The following EPM2A variants were observed in gnomAD, a reference collection of about 807,000 sequenced individuals.
The protein encoded by EPM2A is EPM2A glucan phosphatase, laforin, also known as laforin.
In EPM2A, 21 loss-of-function variants were observed where a neutral mutation model predicts 26.5. The ratio of observed to expected loss-of-function variants is 0.79; its 90% CI spans 0.56 to 1.14. The LOEUF (loss-of-function observed/expected upper bound fraction) is 1.14. Among genes scored for constraint, EPM2A ranks in the 50% most tolerant of loss-of-function variants. The probability of loss-of-function intolerance (pLI) is 0.00; values close to 1 mark genes in which losing one functional copy is unlikely to be tolerated. For missense variants in EPM2A, 458 were observed against 440.8 expected (o/e 1.04, Z -0.35); for synonymous variants, 217 against 177.6 (o/e 1.22, Z -1.76).
intron 2 of EPM2A, among the ~76,000 whole-genome samples, chr6:145,590,891 C>T (rs1247914410): frequency 2.0e-5 from 3 of 151,964 alleles, no homozygotes; most frequent in South Asian, 2.1e-4. Flanking sequence ...AACCTAGCAT[C>T]GAAGCCAGAC....
intron 4 of EPM2A, among the ~76,000 whole-genome samples, chr6:145,430,624 A>G (rs1778909498): frequency 6.6e-6 from 1 of 152,110 alleles, no homozygotes; most frequent in Non-Finnish European, 1.5e-5. Flanking sequence ...AAGAACCATT[A>G]ATAGCATACG....
At chr6:145,659,150 T>C (rs1045906818) in intron 2 of EPM2A, among the ~76,000 whole-genome samples, 4 of 152,036 alleles carry the variant, frequency 2.6e-5, no homozygotes, top group African/African-American at 9.7e-5. Flanking sequence ...TTAATCCAAA[T>C]ATTACAATCC....
intron 2 of EPM2A, among the ~76,000 whole-genome samples, chr6:145,651,653 G>A (rs1777889886): frequency 6.6e-6 from 1 of 152,108 alleles, no homozygotes; most frequent in Non-Finnish European, 1.5e-5. Flanking sequence ...TTTACACGAG[G>A]AAAGAAAGAA....
chr6:145,716,180 T>G (rs949896834), intron 1 of EPM2A, among the ~76,000 whole-genome samples: 1 of 152,234 alleles, frequency 6.6e-6, no homozygotes, highest in Non-Finnish European at 1.5e-5. Flanking sequence ...TTGCGGAATT[T>G]TTTTCTGAAT....
intron 2 of EPM2A, among the ~76,000 whole-genome samples, chr6:145,528,069 A>C (rs441575): frequency 0.45 from 67,855 of 151,976 alleles, 15,200 homozygotes; most frequent in South Asian, 0.58. Flanking sequence ...AAGACTGTCT[A>C]TTTAATTCTA....
intron 4 of EPM2A, among the ~76,000 whole-genome samples, chr6:145,391,428 G>A (rs1425722886): frequency 1.3e-5 from 2 of 152,064 alleles, no homozygotes; most frequent in Non-Finnish European, 2.9e-5. Flanking sequence ...AATGTATAGG[G>A]CCTAATTGCA....
At chr6:145,502,428 G>T (rs1241909399) in intron 3 of EPM2A, 1 of 449,744 alleles carries the variant, frequency 2.2e-6, no homozygotes, top group Non-Finnish European at 4.5e-6. Flanking sequence ...TCCTCTGAAT[G>T]ACTGCACAGC....
chr6:145,482,688 A>C (rs987503631), intron 4 of EPM2A, among the ~76,000 whole-genome samples: 1 of 152,084 alleles, frequency 6.6e-6, no homozygotes, highest in African/African-American at 2.4e-5. Flanking sequence ...AGCTACTTGA[A>C]GCAGAAATTT....
rs142997702 is a variant in EPM2A at position 145,598,622 on chromosome 6, T to C, written c.340+36623A>G. Among the ~76,000 whole-genome samples the C allele has an allele frequency of 2.0e-5, 3 of 152,334 alleles. No homozygotes were observed. The East Asian group carries it at 5.8e-4, about 29-fold the overall frequency. On this transcript the variant is annotated intron_variant, in intron 2 of 3. Coordinates refer to the EPM2A transcript ENST00000450221. ...CTCTTAAGTTTAATTAGATCCCAGTTGTCAATTTTTTGCCTTTCTTGCAAT... is the reference window on the plus strand; with the variant it reads ...CTCTTAAGTTTAATTAGATCCCAGTCGTCAATTTTTTGCCTTTCTTGCAAT...
chr6:145,574,239 A>G (rs1467247229), intron 2 of EPM2A, among the ~76,000 whole-genome samples: 2 of 152,106 alleles, frequency 1.3e-5, no homozygotes, highest in Non-Finnish European at 2.9e-5. Context: ...TGTATAAATT[A>G]AGTAGGAATG....
chr6:145,710,663 C>T (rs1208603420), intron 1 of EPM2A, among the ~76,000 whole-genome samples: 1 of 152,106 alleles, frequency 6.6e-6, no homozygotes, highest in Non-Finnish European at 1.5e-5. Context: ...TATAAAGACA[C>T]ATGCACATGT....
intron 2 of EPM2A, among the ~76,000 whole-genome samples, chr6:145,604,709 A>T (rs1353347150): frequency 6.6e-6 from 1 of 152,180 alleles, no homozygotes; most frequent in East Asian, 1.9e-4. Context: ...TAAGTTTCAT[A>T]AATCAAATAG....
intron 2 of EPM2A, among the ~76,000 whole-genome samples, chr6:145,563,414 G>A (rs1440943959): frequency 6.6e-6 from 1 of 151,936 alleles, no homozygotes; most frequent in Admixed American, 6.6e-5. Flanking sequence ...GAATGTTTGA[G>A]GAACAGAAAG....
In EPM2A at chr6:145,542,863, A is replaced by G. The variant is rs528931946; in HGVS notation, c.341-40288T>C. ...AACCTCTGCCTCCTGGGTTCAAGTG[A>G]TTCTCTTGTCTCAGCCTCCCGCGTA... On this transcript the variant is annotated intron_variant, in intron 2 of 3. Transcript: ENST00000450221. 2.0e-5 allele frequency among the ~76,000 whole-genome samples: 3 copies of G among 152,138 alleles called. No homozygotes were observed. The South Asian group carries it at 6.2e-4, about 32-fold the overall frequency.
At chr6:145,590,924 A>C (rs930453711) in intron 2 of EPM2A, among the ~76,000 whole-genome samples, 1 of 152,220 alleles carries the variant, frequency 6.6e-6, no homozygotes, top group Non-Finnish European at 1.5e-5. Flanking sequence ...CAGATTTTGA[A>C]ATATCAAACA....
intron 4 of EPM2A, among the ~76,000 whole-genome samples, chr6:145,447,294 A>G (rs1013430375): frequency 1.3e-5 from 2 of 152,164 alleles, no homozygotes; most frequent in Middle Eastern, 3.2e-3. Context: ...TTCAATCAAT[A>G]TATTTTAAGT....
Position 145,581,682 on chromosome 6 carries a change from AG to A in EPM2A, c.340+53562del, listed in dbSNP as rs371932341. ...GAGTTGAGTTTTTATGATGTAAGAA[AG>A]GGGTCCAGTTTCATTCTGCCTACAA... On this transcript the variant is annotated intron_variant, in intron 2 of 3. Transcript: ENST00000450221. Among the ~76,000 whole-genome samples, 15 of 152,298 alleles carry A rather than the reference AG, an allele frequency of 9.8e-5. 1 individual carries two copies. The highest frequency in any genetic ancestry group is 3.6e-4 in the African/African-American group (15 of 41,588).
intron 2 of EPM2A, among the ~76,000 whole-genome samples, chr6:145,504,502 C>T (rs1428457372): frequency 2.2e-4 from 19 of 85,236 alleles, no homozygotes; most frequent in African/African-American, 8.6e-4. Context: ...AAATGCTCAT[C>T]ATCACTGGCC....
In EPM2A at chr6:145,686,371, A is replaced by G. The variant is rs146195276; in HGVS notation, c.302-75T>C. 580 of 1,167,452 alleles carry G rather than the reference A, an allele frequency of 5.0e-4. 3 individuals carry two copies. The African/African-American group carries it at 6.4e-3, about 13-fold the overall frequency. The allele number at this position is 1,167,452 out of a possible 1,614,324, so 72.3% of individuals were successfully genotyped here. A position where few individuals can be genotyped will look rare whatever the true frequency, so the allele number is the denominator to read the frequency against. ...TAAATATCCTCAAAGCAGCTGATAC[A>G]AAATTAATAGCAAGAAAAAAATAAA... On this transcript the variant is annotated intron_variant, in intron 1 of 3. Coordinates refer to ENST00000367519, the MANE Select transcript of EPM2A (RefSeq NM_005670.4).
Sources: gnomAD v4.1 joint callset for allele counts (sites outside exome capture counted in the v4.1 genomes callset) on GRCh38, gnomAD v4.1.1 for gene constraint, MANE v1.5 for transcripts, NCBI Gene and HGNC (gene_info 2026-07-23, HGNC 2026-07-21) for gene names.